Variants in MED13 observed in about 807,000 individuals in gnomAD.
The protein encoded by MED13 is mediator of RNA polymerase II transcription subunit 13.
In MED13, 23 loss-of-function variants were observed where a neutral mutation model predicts 225.2. That is an observed-to-expected ratio of 0.10 (90% CI 0.07 to 0.14). The LOEUF (loss-of-function observed/expected upper bound fraction) is 0.14, where lower values mean the gene tolerates loss of function less well. MED13 is among the 10% of genes least tolerant of loss of function. MED13 has a pLI of 1.00. For missense variants in MED13, 2,197 were observed against 2,594.5 expected, an observed-to-expected ratio of 0.85 and a Z score of 3.33; for synonymous variants, 942 against 889.2, an observed-to-expected ratio of 1.06 and a Z score of -1.06.
rs762528548 is a variant in MED13, at chr17:61,946,428, T to G, written c.*40A>C. On this transcript the variant is annotated 3_prime_UTR_variant, in exon 30 of 30. Coordinates refer to ENST00000397786, the MANE Select transcript of MED13 (RefSeq NM_005121.3). ...TTAATCCTGCAGCGAAACATCCATT[T>G]TTCCTTGTTCTTTTCTTGCACAGTT... The G allele has an allele frequency of 6.3e-7, 1 of 1,597,870 alleles. No homozygotes were observed. The highest frequency in any genetic ancestry group is 1.1e-5 in the South Asian group (1 of 90,222).
Position 61,982,450 on chromosome 17 carries a change from A to G in MED13, c.3553T>C (p.Ser1185Pro), listed in dbSNP as rs749251754. ...TGTAGCAATAATATCAAATCATCAG[A>G]TAATTTTTCAGATTCCTTTAGTCCT... ...NGGLKESEKL[S>P]DDLILLLQDQ... Residue 1185 changes from serine (S) to proline (P), a missense_variant, in exon 16 of 30, where the codon TCT becomes CCT. Transcript: ENST00000397786. 2 of 1,614,236 alleles carry G rather than the reference A, an allele frequency of 1.2e-6. No individual in the cohort carries two copies. Among genetic ancestry groups the G allele is most frequent in the Non-Finnish European group, 1.7e-6 (2 of 1,180,050 alleles).
intron 24 of MED13, among the ~76,000 whole-genome samples, chr17:61,956,041 T>C (rs1387821940): frequency 1.3e-5 from 2 of 152,074 alleles, no homozygotes; most frequent in Non-Finnish European, 2.9e-5. Context: ...CCCCCTAATA[T>C]TAGGATACAC....
At chr17:62,045,731 T>C (rs897936389) in intron 3 of MED13, among the ~76,000 whole-genome samples, 2 of 152,200 alleles carry the variant, frequency 1.3e-5, no homozygotes, top group African/African-American at 4.8e-5. Context: ...ACACCTAAAC[T>C]ATTCAAGAAA....
In MED13 at chr17:62,051,220, T is replaced by C. The variant is rs556149174; in HGVS notation, c.470+1317A>G. ...GTCAACTAAAGTTTCCAGAAAATAA[T>C]TTACTTTCTGACTCAGGTGCCACAC... is the stretch of plus-strand genomic sequence containing the variant. On this transcript the variant is annotated intron_variant, in intron 3 of 29. Transcript: ENST00000397786. Among the ~76,000 whole-genome samples, 3 of 152,294 alleles carry C rather than the reference T, an allele frequency of 2.0e-5. No homozygotes were observed. In the East Asian group the frequency reaches 5.8e-4, roughly 29 times the overall value.
chr17:62,025,000 C>CATGTGT lies in MED13; in HGVS notation c.1283+4535_1283+4540dup, dbSNP rs2080686829. Among the ~76,000 whole-genome samples, 3 of 152,158 alleles carry CATGTGT rather than the reference C, an allele frequency of 2.0e-5. No individual in the cohort carries two copies. The South Asian group carries it at 6.2e-4, about 32-fold the overall frequency. On this transcript the variant is annotated intron_variant, in intron 8 of 29. Transcript: ENST00000397786. Reference sequence around the variant, plus strand: ...TAGTGCTGCTATGAACATTCCCGTGCATGTGTCTTTATGACAGAATGTTTT... The same window carrying CATGTGT: ...TAGTGCTGCTATGAACATTCCCGTGCATGTGTATGTGTCTTTATGACAGAATGTTTT...
At chr17:61,994,578 G>A (rs1198059015) in intron 10 of MED13, among the ~76,000 whole-genome samples, 2 of 152,046 alleles carry the variant, frequency 1.3e-5, no homozygotes, top group Non-Finnish European at 2.9e-5. Context: ...TAAATGTCCT[G>A]ATTTCAATTA....
At chr17:61,994,576 C>T (rs1481355242) in intron 10 of MED13, among the ~76,000 whole-genome samples, 1 of 152,142 alleles carries the variant, frequency 6.6e-6, no homozygotes, top group Non-Finnish European at 1.5e-5. Context: ...CCTAAATGTC[C>T]TGATTTCAAT....
At chr17:61,985,615 G>A (rs1488482941) in intron 12 of MED13, among the ~76,000 whole-genome samples, 1 of 152,158 alleles carries the variant, frequency 6.6e-6, no homozygotes, top group Non-Finnish European at 1.5e-5. Flanking sequence ...AGGTTGCAGT[G>A]AGCCAGGACT....
chr17:61,996,653 T>A (rs1340188612), intron 9 of MED13, among the ~76,000 whole-genome samples: 1 of 152,210 alleles, frequency 6.6e-6, no homozygotes, highest in Non-Finnish European at 1.5e-5. Flanking sequence ...TGCTTAAATG[T>A]CACCTATGAG....
At chr17:62,065,027 T>A (rs1603411140) in intron 1 of MED13, 113 bp downstream of exon 1, 1 of 932,848 alleles carries the variant, frequency 1.1e-6, no homozygotes, top group East Asian at 3.4e-5. Context: ...CGGCTCCGGC[T>A]GGGCCTCGCC....
At chr17:61,963,640 T>C (rs373275189) in intron 20 of MED13, among the ~76,000 whole-genome samples, 77 of 152,320 alleles carry the variant, frequency 5.1e-4, no homozygotes, top group African/African-American at 1.8e-3. Flanking sequence ...TTTCATACTT[T>C]ACAGCTTCAA....
chr17:62,046,975 T>C (rs2080903238), intron 3 of MED13, among the ~76,000 whole-genome samples: 1 of 151,156 alleles, frequency 6.6e-6, no homozygotes, highest in South Asian at 2.1e-4. Flanking sequence ...CCCACCTCAG[T>C]CTTCAGAGTA....
chr17:62,041,609 C>T (rs1428538865), intron 3 of MED13, among the ~76,000 whole-genome samples: 5 of 151,874 alleles, frequency 3.3e-5, no homozygotes, highest in Non-Finnish European at 7.4e-5. Context: ...CAGGGCCTTG[C>T]TCTGTCACTC....
At chr17:62,051,528 A>T (rs1179978797) in intron 3 of MED13, among the ~76,000 whole-genome samples, 1 of 152,240 alleles carries the variant, frequency 6.6e-6, no homozygotes, top group Non-Finnish European at 1.5e-5. Context: ...GTATTTTGTT[A>T]ACAATAAAGG....
intron 2 of MED13, among the ~76,000 whole-genome samples, chr17:62,056,019 A>G (rs575464637): frequency 1.3e-5 from 2 of 152,322 alleles, no homozygotes; most frequent in East Asian, 3.9e-4. Context: ...TCTAAATCCA[A>G]CGTATCTCTG....
intron 17 of MED13, among the ~76,000 whole-genome samples, chr17:61,972,028 ATTAT>A (rs974439281): frequency 1.3e-5 from 2 of 152,236 alleles, no homozygotes; most frequent in African/African-American, 4.8e-5. Context: ...TGAGATTTAA[ATTAT>A]TTAGCCATTA....
At chr17:62,027,505 C>A (rs1162367896) in intron 8 of MED13, among the ~76,000 whole-genome samples, 1 of 152,114 alleles carries the variant, frequency 6.6e-6, no homozygotes, top group Non-Finnish European at 1.5e-5. Context: ...CAATACCACT[C>A]TGGACACAGA....
chr17:61,991,648 T>C lies in MED13; in HGVS notation c.2263+892A>G, dbSNP rs202041665. Reference sequence around the variant, plus strand: ...TCAGCCTCCCGAGTAGCTGGAACCATAGGCGCGTGCCTCCATGCCCAGCTA... The same window carrying C: ...TCAGCCTCCCGAGTAGCTGGAACCACAGGCGCGTGCCTCCATGCCCAGCTA... On this transcript the variant is annotated intron_variant, in intron 11 of 29. Transcript: ENST00000397786. Among the ~76,000 whole-genome samples, 52 of 152,214 alleles carry C rather than the reference T, an allele frequency of 3.4e-4. 1 individual carries two copies. The East Asian group carries it at 5.6e-3, about 16-fold the overall frequency.
chr17:61,997,941 C>T (rs887579316), intron 9 of MED13, among the ~76,000 whole-genome samples: 3 of 152,120 alleles, frequency 2.0e-5, no homozygotes, highest in Non-Finnish European at 2.9e-5. Flanking sequence ...AAACCAAATG[C>T]ATTACCTAAA....
Sources: allele counts gnomAD v4.1 joint callset (sites outside exome capture counted in the v4.1 genomes callset), GRCh38; gene constraint gnomAD v4.1.1; transcripts MANE v1.5; gene names NCBI Gene and HGNC (gene_info 2026-07-23, HGNC 2026-07-21).